ARHGEF11: variants seen among roughly 807,000 people sequenced by gnomAD.
ARHGEF11 encodes the protein Rho guanine exchange factor (GEF) 11.
Under a neutral mutation model 193.7 loss-of-function variants are expected in ARHGEF11, and 55 were observed. The observed-to-expected ratio is 0.28, with a 90% CI of 0.23 to 0.36. ARHGEF11 has a LOEUF of 0.36. Ranked by LOEUF, ARHGEF11 falls within the 10% of genes least tolerant of loss-of-function variation. The pLI, the probability that ARHGEF11 is intolerant of heterozygous loss-of-function variation, is 1.00. For synonymous variants in ARHGEF11, 693 were observed against 768.0 expected (o/e 0.90, Z 1.62); for missense variants, 1,723 against 2,005.6 (o/e 0.86, Z 2.69).
intron 12 of ARHGEF11, 94 bp from the exon 13 acceptor site, chr1:156,963,398 A>G (rs768425697): frequency 1.3e-5 from 19 of 1,494,140 alleles, no homozygotes; most frequent in East Asian, 2.3e-5. Flanking sequence ...TCCTGGGTTC[A>G]TAACAGGAGG....
At chr1:157,046,241 C>CCA (rs1279609384), upstream of ARHGEF11, among the ~76,000 whole-genome samples, 2 of 151,358 alleles carry the variant, frequency 1.3e-5, no homozygotes, top group Non-Finnish European at 2.9e-5. Flanking sequence ...GCCGCCACCG[C>CCA]CACCGCCACC....
intron 1 of ARHGEF11, among the ~76,000 whole-genome samples, chr1:156,994,448 G>A (rs1487859826): frequency 6.7e-6 from 1 of 150,364 alleles, no homozygotes; most frequent in Non-Finnish European, 1.5e-5. Context: ...AATGTCAGGT[G>A]TGAGGGGAAC....
At chr1:156,992,481 A>G (rs1158188607) in intron 1 of ARHGEF11, among the ~76,000 whole-genome samples, 1 of 152,124 alleles carries the variant, frequency 6.6e-6, no homozygotes, top group East Asian at 1.9e-4. Context: ...ATGCATCCAC[A>G]TGCTCCTCAC....
chr1:157,045,882 G>A (rs1245333787), upstream of ARHGEF11, among the ~76,000 whole-genome samples: 1 of 150,952 alleles, frequency 6.6e-6, no homozygotes, highest in Admixed American at 6.6e-5. Flanking sequence ...GCTCCCGCGG[G>A]GCGGGGCCGC....
chr1:157,034,873 G>A (rs966093204), intron 1 of ARHGEF11, among the ~76,000 whole-genome samples: 2 of 152,220 alleles, frequency 1.3e-5, no homozygotes, highest in African/African-American at 4.8e-5. Flanking sequence ...CAAAAGGAAT[G>A]CTGAATAATA....
rs1658062995 is a variant in ARHGEF11, at chr1:156,946,132, G to A, written c.2725C>T (p.Leu909=). ...EAESHPQCRR[L]QLRDLIISEM... ...GAGATGATGAGGTCTCTCAGCTGCA[G>A]CCGCCGACACTGAGGGTGGCTCTCA... Residue 909 remains leucine (L), a synonymous_variant, in exon 29 of 41, where the codon CTG becomes TTG. Coordinates refer to ENST00000368194, the MANE Select transcript of ARHGEF11 (RefSeq NM_198236.3). The A allele has an allele frequency of 1.2e-6, 2 of 1,613,390 alleles. No individual in the cohort carries two copies. Among genetic ancestry groups the A allele is most frequent in the East Asian group, 2.2e-5 (1 of 44,882 alleles).
intron 1 of ARHGEF11, among the ~76,000 whole-genome samples, chr1:157,018,746 CAT>C (rs778130277): frequency 6.6e-6 from 1 of 151,876 alleles, no homozygotes; most frequent in Non-Finnish European, 1.5e-5. Context: ...GATTTTAAAA[CAT>C]ATTGTAAAGC....
intron 13 of ARHGEF11, among the ~76,000 whole-genome samples, chr1:156,962,576 C>T (rs562203351): frequency 2.6e-5 from 4 of 152,170 alleles, no homozygotes; most frequent in African/African-American, 9.6e-5. Context: ...TATCTACCTT[C>T]GTTTAAAAAA....
At chr1:157,015,188 C>A (rs1381414071) in intron 1 of ARHGEF11, among the ~76,000 whole-genome samples, 1 of 152,154 alleles carries the variant, frequency 6.6e-6, no homozygotes, top group African/African-American at 2.4e-5. Flanking sequence ...TCATTTTCCC[C>A]TCTACTTCAG....
chr1:156,979,267 G>A lies in ARHGEF11; in HGVS notation c.293C>T (p.Thr98Ile). The A allele has an allele frequency of 6.2e-7, 1 of 1,613,620 alleles. No individual in the cohort carries two copies. Among genetic ancestry groups the A allele is most frequent in the Non-Finnish European group, 8.5e-7 (1 of 1,179,870 alleles). ...TACCACTTCCAGGTGTGAGCTATTG[G>A]TCACCATGGTGCCGTTGACCTGTTG... ...RIIKVNGTMV[T>I]NSSHLEVVKL... The change falls in exon 5 of 41, where the codon ACC (threonine) becomes ATC (isoleucine). Residue 98 changes from threonine (T) to isoleucine (I), a missense_variant. This residue lies in a region of ARHGEF11 where 646 missense variants were observed against 710.7 expected (regional missense o/e 0.91). Coordinates refer to ENST00000368194, the MANE Select transcript of ARHGEF11 (RefSeq NM_198236.3).
At position 156,946,986 on chromosome 1, in the gene ARHGEF11, G is replaced by C. The variant is rs1265416753; in HGVS notation, c.2518C>G (p.Arg840Gly). 6.2e-7 allele frequency: 1 copy of C among 1,614,132 alleles called. No homozygotes were observed. The highest frequency in any genetic ancestry group is 8.5e-7 in the Non-Finnish European group (1 of 1,180,028). ...NSWCEAMKKL[R>G]EEGPIIKEIS... ...TCTTTGATGATGGGGCCTTCCTCCC[G>C]GAGCTTCTTCATGGCTTCACACCAG... The change falls in exon 27 of 41, where the codon CGG (arginine) becomes GGG (glycine). Residue 840 changes from arginine to glycine, a missense_variant. Arg to Gly is a moderately radical substitution (Grantham distance 125). Transcript: ENST00000368194.
intron 1 of ARHGEF11, among the ~76,000 whole-genome samples, chr1:156,996,608 C>T (rs1204607078): frequency 6.6e-6 from 1 of 151,600 alleles, no homozygotes; most frequent in African/African-American, 2.4e-5. Flanking sequence ...CCCGTCTCTA[C>T]TAAAAATACA....
chr1:156,998,123 G>A lies in ARHGEF11; in HGVS notation c.33-11950C>T, dbSNP rs140580222. On this transcript the variant is annotated intron_variant, in intron 1 of 40. Transcript: ENST00000368194. Reference sequence around the variant, plus strand: ...ACATTGTCGACCTCTCTCCTTGTTCGCTGGACTGTGAGTCCTAGAGTAAAG... The same window carrying A: ...ACATTGTCGACCTCTCTCCTTGTTCACTGGACTGTGAGTCCTAGAGTAAAG... Among the ~76,000 whole-genome samples, 17 of 152,238 alleles carry A rather than the reference G, an allele frequency of 1.1e-4. No homozygotes were observed. The East Asian group carries it at 2.7e-3, about 24-fold the overall frequency.
chr1:156,960,820 A>G (rs1195990782), intron 14 of ARHGEF11, among the ~76,000 whole-genome samples: 2 of 152,106 alleles, frequency 1.3e-5, no homozygotes. Context: ...TATTTGGTGG[A>G]CTTTCCCTCC....
rs2101735154 is a variant in ARHGEF11 at position 156,936,961 on chromosome 1, TCCC to T, written c.4482_4484del (p.Gly1495del). ...CAGGCGTGGTGCCACCAGATGACTCTCCCCCAAGGGACTTGAGCAGCTCTCTGT... is the reference window on the plus strand; with the variant it reads ...CAGGCGTGGTGCCACCAGATGACTCTCCAAGGGACTTGAGCAGCTCTCTGT... On this transcript the variant is annotated inframe_deletion, in exon 40 of 41. Coordinates refer to ENST00000368194, the MANE Select transcript of ARHGEF11 (RefSeq NM_198236.3). 2 of 1,613,890 alleles carry T rather than the reference TCCC, an allele frequency of 1.2e-6. No homozygotes were observed. Among genetic ancestry groups the T allele is most frequent in the Non-Finnish European group, 8.5e-7 (1 of 1,179,942 alleles).
At chr1:157,021,377 C>T (rs1669960286) in intron 1 of ARHGEF11, among the ~76,000 whole-genome samples, 2 of 152,010 alleles carry the variant, frequency 1.3e-5, no homozygotes, top group South Asian at 4.1e-4. Context: ...TGTAATGCTC[C>T]TGAATCAAAA....
chr1:156,936,497 A>AAAAAATATAT (rs370282821), intron 40 of ARHGEF11, among the ~76,000 whole-genome samples: 2 of 33,936 alleles, frequency 5.9e-5, no homozygotes, highest in South Asian at 1.6e-3. Context: ...AAAAAAAAAA[A>AAAAAATATAT]ATATATATAT....
In ARHGEF11 at chr1:156,941,364, G is replaced by A. The variant is rs1345577204; in HGVS notation, c.3514+8C>T. The A allele has an allele frequency of 6.2e-7, 1 of 1,613,622 alleles. No homozygotes were observed. The highest frequency in any genetic ancestry group is 1.3e-5 in the African/African-American group (1 of 74,876). The stretch of plus-strand genomic sequence containing the variant: ...GCTGGCTCCCACAGGACAGTTCAGG[G>A]CCCTTACCTCCAGGCAGCTCCTCAG... On this transcript the variant is annotated splice_region_variant and intron_variant, in intron 35 of 40. Transcript: ENST00000368194.
intron 6 of ARHGEF11, among the ~76,000 whole-genome samples, chr1:156,977,901 C>T (rs1350073892): frequency 1.3e-5 from 2 of 152,202 alleles, no homozygotes; most frequent in Admixed American, 6.5e-5. Context: ...AGTGTACACT[C>T]TCTCTCTGAT....
Sources: allele counts gnomAD v4.1 joint callset (sites outside exome capture counted in the v4.1 genomes callset), GRCh38; gene constraint gnomAD v4.1.1; regional missense constraint gnomAD v4.1.1; transcripts MANE v1.5; gene names NCBI Gene and HGNC (gene_info 2026-07-23, HGNC 2026-07-21).